Variants in FER1L6 observed in about 807,000 individuals in gnomAD.
FER1L6 encodes the protein fer-1 like family member 6, also known as fer-1-like protein 6.
Under a neutral mutation model 219.2 loss-of-function variants are expected in FER1L6, and 177 were observed. That is an observed-to-expected ratio of 0.81 (90% CI 0.71 to 0.91). FER1L6 has a LOEUF of 0.91. Ranked by LOEUF, FER1L6 falls within the 40% of genes least tolerant of loss-of-function variation. FER1L6 has a pLI of 0.00. For missense variants in FER1L6, 2,153 were observed against 2,259.9 expected (o/e 0.95, Z 0.96); for synonymous variants, 768 against 824.3 (o/e 0.93, Z 1.17).
At chr8:123,984,526 C>T (rs1436990214) in intron 11 of FER1L6, 2 of 152,172 alleles carry the variant, frequency 1.3e-5, no homozygotes, top group African/African-American at 4.8e-5. Flanking sequence ...CTACAGGCCA[C>T]CACACCCAAC....
chr8:124,078,187 G>A (rs1017973096), intron 32 of FER1L6, among the ~76,000 whole-genome samples: 1 of 142,172 alleles, frequency 7.0e-6, no homozygotes, highest in African/African-American at 3.1e-5. Flanking sequence ...ATGAACAGAT[G>A]GATGGATGGA....
intron 12 of FER1L6, among the ~76,000 whole-genome samples, chr8:123,991,869 T>C (rs1816874342): frequency 6.6e-6 from 1 of 152,136 alleles, no homozygotes; most frequent in South Asian, 2.1e-4. Flanking sequence ...TTGAGATATG[T>C]CCCTTCCATG....
intron 31 of FER1L6, among the ~76,000 whole-genome samples, chr8:124,075,031 G>T (rs192466441): frequency 8.3e-4 from 127 of 152,326 alleles, no homozygotes; most frequent in African/African-American, 2.8e-3. Flanking sequence ...AGTGGTGAGT[G>T]AATGTGAAGG....
intron 1 of FER1L6, among the ~76,000 whole-genome samples, chr8:123,884,612 T>TG (rs1307686486): frequency 6.6e-6 from 1 of 152,168 alleles, no homozygotes; most frequent in Non-Finnish European, 1.5e-5. Flanking sequence ...GTGCATTAGC[T>TG]GGGGTCCCAG....
intron 34 of FER1L6, 33 bp downstream of exon 34, chr8:124,091,616 C>A: frequency 6.3e-7 from 1 of 1,597,086 alleles, no homozygotes; most frequent in South Asian, 1.1e-5. Flanking sequence ...GCTGGTGTTG[C>A]TCTTCTTTTG....
In FER1L6 at chr8:124,118,835, T is replaced by C. The variant is rs200552624; in HGVS notation, c.5290-9T>C. ...GACTGGAAACAAAAGGTTTTGCATC[T>C]TTTTGCAGGGCAAGGTTGAAGCTGA... On this transcript the variant is annotated splice_polypyrimidine_tract_variant and intron_variant, in intron 39 of 40. Transcript: ENST00000522917. 1.7e-5 allele frequency: 27 copies of C among 1,613,384 alleles called. 2 individuals carry two copies. In the South Asian group the frequency reaches 2.7e-4, roughly 16 times the overall value.
At chr8:123,914,885 AAT>A (rs67029076) in intron 1 of FER1L6, among the ~76,000 whole-genome samples, 1 of 152,206 alleles carries the variant, frequency 6.6e-6, no homozygotes, top group East Asian at 1.9e-4. Flanking sequence ...CTGATGAGTA[AAT>A]ACATCTTCAC....
intron 11 of FER1L6, 139 bp from the exon 12 acceptor site, chr8:123,985,929 G>A: frequency 1.7e-6 from 1 of 604,514 alleles, no homozygotes; most frequent in Non-Finnish European, 2.9e-6. Flanking sequence ...TTATTTGGGG[G>A]GAAACGCTGT....
In FER1L6 at chr8:123,980,598, A is replaced by T; in HGVS notation, c.1197A>T (p.Val399=). Reference sequence around the variant, plus strand: ...TGTCATTCAGGGGCAGAATCTTGGTAGAAATTGCTGTGGAAATCCTCTCAG... The same window carrying T: ...TGTCATTCAGGGGCAGAATCTTGGTTGAAATTGCTGTGGAAATCCTCTCAG... ...EGVSFRGRIL[V]EIAVEILSGR... is the part of the protein sequence containing the mutation. The change falls in exon 11 of 41, where the codon GTA becomes GTT. Residue 399 remains valine (V), a synonymous_variant. Transcript: ENST00000522917. 7.4e-6 allele frequency: 12 copies of T among 1,614,146 alleles called. No homozygotes were observed. Among genetic ancestry groups the T allele is most frequent in the Non-Finnish European group, 1.0e-5 (12 of 1,180,012 alleles).
At chr8:123,963,001 G>T (rs995391165) in intron 2 of FER1L6, among the ~76,000 whole-genome samples, 1 of 152,106 alleles carries the variant, frequency 6.6e-6, no homozygotes, top group Non-Finnish European at 1.5e-5. Flanking sequence ...TTTATTTTTA[G>T]TTTACACTTT....
intron 1 of FER1L6, among the ~76,000 whole-genome samples, chr8:123,938,074 A>T (rs1259139917): frequency 6.6e-6 from 1 of 152,214 alleles, no homozygotes; most frequent in Admixed American, 6.5e-5. Flanking sequence ...AACAGCAATG[A>T]GTTCCTCCAT....
chr8:124,098,522 C>T (rs930866804), intron 37 of FER1L6, among the ~76,000 whole-genome samples: 2 of 152,138 alleles, frequency 1.3e-5, no homozygotes, highest in African/African-American at 2.4e-5. Context: ...CAATGATTTG[C>T]AGTCATACCA....
rs941182377 is a variant in FER1L6 at position 124,070,481 on chromosome 8, T to C, written c.3849T>C (p.Asp1283=). 8 of 1,613,680 alleles carry C rather than the reference T, an allele frequency of 5.0e-6. No homozygotes were observed. The African/African-American group carries it at 1.1e-4, about 22-fold the overall frequency. The stretch of plus-strand genomic sequence containing the variant: ...TTTCCCTAAAGATATATGACGGTGA[T>C]CTCGAGAGTGAATTCAACAATTTTG... ...NLAILQIYDG[D]LESEFNNFED... The change falls in exon 30 of 41, where the codon GAT becomes GAC. Residue 1283 remains aspartate (D), a synonymous_variant. Transcript: ENST00000522917.
chr8:123,996,095 A>G (rs1817119008), intron 12 of FER1L6, among the ~76,000 whole-genome samples: 2 of 152,154 alleles, frequency 1.3e-5, no homozygotes, highest in South Asian at 4.1e-4. Context: ...GTCCTTGAGA[A>G]TGATCCATGT....
chr8:123,864,779 C>T (rs879252431), intron 1 of FER1L6, among the ~76,000 whole-genome samples: 1 of 150,304 alleles, frequency 6.7e-6, no homozygotes, highest in Non-Finnish European at 1.5e-5. Flanking sequence ...GCATCGGCTC[C>T]TGAGGCTTCT....
rs368367964 is a variant in FER1L6 at position 124,105,505 on chromosome 8, G to A, written c.5289+2196G>A. On this transcript the variant is annotated intron_variant, in intron 39 of 40. Coordinates refer to ENST00000522917, the MANE Select transcript of FER1L6 (RefSeq NM_001039112.2). ...GTCAGAAGAGGGTCAAAATTGGAGA[G>A]AGAGGACTAGGCAGAGATGTAAGAA... Among the ~76,000 whole-genome samples, 4 of 152,324 alleles carry A rather than the reference G, an allele frequency of 2.6e-5. No individual in the cohort carries two copies. In the South Asian group the frequency reaches 6.2e-4, roughly 24 times the overall value.
intron 1 of FER1L6, among the ~76,000 whole-genome samples, chr8:123,857,043 C>T (rs146222994): frequency 6.6e-6 from 1 of 152,198 alleles, no homozygotes; most frequent in African/African-American, 2.4e-5. Context: ...GTCTGAACTC[C>T]ACAGAGGGTA....
In FER1L6 at chr8:124,017,716, C is replaced by T. The variant is rs760124679; in HGVS notation, c.2011C>T (p.Leu671=). ...GCGACTTACGCTCTGCTGGCAGGAGCTGGTATGTGAAAATCTATTTATACT... is the reference window on the plus strand; with the variant it reads ...GCGACTTACGCTCTGCTGGCAGGAGTTGGTATGTGAAAATCTATTTATACT... ...KKRLTLCWQE[L]EAMCKEAKGI... is the part of the protein sequence containing the mutation. Residue 671 remains leucine, a splice_region_variant and synonymous_variant, in exon 16 of 41, where the codon CTG becomes TTG. Coordinates refer to ENST00000522917, the MANE Select transcript of FER1L6 (RefSeq NM_001039112.2). The T allele has an allele frequency of 6.2e-7, 1 of 1,611,964 alleles. No homozygotes were observed. The highest frequency in any genetic ancestry group is 8.5e-7 in the Non-Finnish European group (1 of 1,178,360).
intron 38 of FER1L6, 63 bp downstream of exon 38, chr8:124,101,401 G>C: frequency 6.7e-7 from 1 of 1,498,926 alleles, no homozygotes. Flanking sequence ...CTTTTGGAGA[G>C]CTTGGTCTGA....
Sources: allele counts gnomAD v4.1 joint callset (sites outside exome capture counted in the v4.1 genomes callset), GRCh38; gene constraint gnomAD v4.1.1; transcripts MANE v1.5; gene names NCBI Gene and HGNC (gene_info 2026-07-23, HGNC 2026-07-21).